Variants in TMC1 observed in about 807,000 individuals in gnomAD.
The protein encoded by TMC1 is transmembrane channel like 1, also known as transmembrane channel-like protein 1.
A neutral mutation model predicts 105.8 loss-of-function variants in TMC1; 84 were observed. The ratio of observed to expected loss-of-function variants is 0.79; its 90% CI spans 0.67 to 0.95. The LOEUF (loss-of-function observed/expected upper bound fraction) is 0.95. TMC1 is among the 40% of genes least tolerant of loss of function. TMC1 has a pLI of 0.00. For synonymous variants in TMC1, 315 were observed against 311.5 expected (o/e 1.01, Z -0.12); for missense variants, 817 against 914.1 (o/e 0.89, Z 1.37).
intron 2 of TMC1, among the ~76,000 whole-genome samples, chr9:72,602,666 C>G (rs1413752732): frequency 6.6e-6 from 1 of 152,206 alleles, no homozygotes; most frequent in African/African-American, 2.4e-5. Context: ...TGAGCCACTG[C>G]ACCCGGCCCC....
At chr9:72,777,440 T>G (rs920111458) in intron 13 of TMC1, among the ~76,000 whole-genome samples, 1 of 152,196 alleles carries the variant, frequency 6.6e-6, no homozygotes, top group East Asian at 1.9e-4. Context: ...GTTTGATGTA[T>G]GTAATGATGA....
chr9:72,624,825 A>G (rs1464827618), intron 3 of TMC1, among the ~76,000 whole-genome samples: 1 of 152,236 alleles, frequency 6.6e-6, no homozygotes, highest in Non-Finnish European at 1.5e-5. Context: ...CATCTACCCT[A>G]AAAGAACAAG....
At chr9:72,655,997 T>C in intron 5 of TMC1, 2 of 772,968 alleles carry the variant, frequency 2.6e-6, no homozygotes, top group East Asian at 4.9e-5. Flanking sequence ...GAGTTTTTTC[T>C]TGTAGTGATT....
intron 2 of TMC1, among the ~76,000 whole-genome samples, chr9:72,610,806 G>T (rs1825013291): frequency 6.6e-6 from 1 of 152,232 alleles, no homozygotes; most frequent in African/African-American, 2.4e-5. Context: ...ACAGAGGAGA[G>T]ACCTAAAGCT....
intron 3 of TMC1, among the ~76,000 whole-genome samples, chr9:72,627,270 A>C (rs1176652762): frequency 1.3e-5 from 2 of 152,086 alleles, no homozygotes; most frequent in Non-Finnish European, 2.9e-5. Context: ...TATTCTAGTC[A>C]TACCCTGCTA....
Position 72,772,393 on chromosome 9 carries a change from G to A in TMC1, c.742-20G>A, listed in dbSNP as rs369458472. The A allele has an allele frequency of 7.4e-6, 12 of 1,613,506 alleles. No individual in the cohort carries two copies. The Admixed American group carries it at 1.0e-4, about 13-fold the overall frequency. ...TGCTCTTCACGACAACTGCTAAGTG[G>A]CTTTGTTGTTGGATTTCAGGGTTTG... On this transcript the variant is annotated intron_variant, in intron 12 of 23. Coordinates refer to ENST00000297784, the MANE Select transcript of TMC1 (RefSeq NM_138691.3).
At position 72,835,988 on chromosome 9, in the gene TMC1, G is replaced by A. The variant is rs727503489; in HGVS notation, c.*15G>A. On this transcript the variant is annotated 3_prime_UTR_variant, in exon 24 of 24. Transcript: ENST00000297784. ...GTCGCCAGTAATAAGTATCCTGAGA[G>A]CCCAGAAAAGGTACACTTTGCCTTG... The A allele has an allele frequency of 2.5e-6, 4 of 1,573,984 alleles. No individual in the cohort carries two copies. The highest frequency in any genetic ancestry group is 3.5e-6 in the Non-Finnish European group (4 of 1,159,030).
chr9:72,743,607 G>C (rs1226668134), intron 10 of TMC1, among the ~76,000 whole-genome samples: 1 of 148,896 alleles, frequency 6.7e-6, no homozygotes, highest in Non-Finnish European at 1.5e-5. Context: ...AAAAAACGAA[G>C]TCTTAAAACC....
intron 4 of TMC1, among the ~76,000 whole-genome samples, chr9:72,637,312 C>G (rs1825553537): frequency 6.6e-6 from 1 of 151,650 alleles, no homozygotes; most frequent in African/African-American, 2.4e-5. Flanking sequence ...GAGTACTGGA[C>G]TTTTTCACTT....
intron 1 of TMC1, among the ~76,000 whole-genome samples, chr9:72,559,156 G>T (rs192987473): frequency 2.7e-4 from 41 of 151,302 alleles, no homozygotes; most frequent in Admixed American, 2.7e-3. Flanking sequence ...GTGCAATGGC[G>T]CAATCTTGGC....
At chr9:72,800,913 G>A (rs996431247) in intron 17 of TMC1, among the ~76,000 whole-genome samples, 27 of 152,130 alleles carry the variant, frequency 1.8e-4, no homozygotes, top group African/African-American at 6.3e-4. Context: ...GCCTTTAAGA[G>A]ATCAATATCT....
intron 10 of TMC1, among the ~76,000 whole-genome samples, chr9:72,747,577 G>GGTT (rs1018446555): frequency 6.6e-6 from 1 of 151,864 alleles, no homozygotes; most frequent in African/African-American, 2.4e-5. Flanking sequence ...TCTGTTTTTT[G>GGTT]GTTGTTGTTG....
At chr9:72,569,725 C>T (rs1435246238) in intron 1 of TMC1, among the ~76,000 whole-genome samples, 2 of 152,158 alleles carry the variant, frequency 1.3e-5, no homozygotes, top group East Asian at 1.9e-4. Flanking sequence ...TCCTGAAGGG[C>T]TCCAACCTGG....
chr9:72,555,029 C>A (rs1318575472), intron 1 of TMC1, among the ~76,000 whole-genome samples: 1 of 151,646 alleles, frequency 6.6e-6, no homozygotes, highest in Non-Finnish European at 1.5e-5. Flanking sequence ...CAGGCATGTG[C>A]CACCATGCCT....
chr9:72,772,477 T>A lies in TMC1; in HGVS notation c.806T>A (p.Met269Lys). The A allele has an allele frequency of 6.2e-7, 1 of 1,613,992 alleles. No homozygotes were observed. The highest frequency in any genetic ancestry group is 1.1e-5 in the South Asian group (1 of 91,084). Residue 269 changes from methionine to lysine, a missense_variant, in exon 13 of 24, where the codon ATG becomes AAG. Met to Lys is a moderately conservative substitution (Grantham distance 95, BLOSUM62 -1). Transcript: ENST00000297784. ...GACAATAAACGAACAATTGGATGGATGAATTTCAGGTTGCCGCTCTCCTAT... is the reference window on the plus strand; with the variant it reads ...GACAATAAACGAACAATTGGATGGAAGAATTTCAGGTTGCCGCTCTCCTAT... ...YYDNKRTIGWMNFRLPLSYFL... is the reference protein window; with the variant it reads ...YYDNKRTIGWKNFRLPLSYFL...
intron 1 of TMC1, among the ~76,000 whole-genome samples, chr9:72,536,161 G>T (rs891821869): frequency 6.6e-6 from 1 of 152,132 alleles, no homozygotes; most frequent in African/African-American, 2.4e-5. Context: ...TATCACCTGC[G>T]ACTCAAGGCA....
chr9:72,826,531 C>A (rs934535294), intron 20 of TMC1, among the ~76,000 whole-genome samples: 1 of 152,204 alleles, frequency 6.6e-6, no homozygotes, highest in African/African-American at 2.4e-5. Flanking sequence ...TGTTCTCCTA[C>A]AAGAGCAGCT....
intron 6 of TMC1, among the ~76,000 whole-genome samples, chr9:72,693,082 T>C (rs1826493173): frequency 6.6e-6 from 1 of 151,252 alleles, no homozygotes; most frequent in Admixed American, 6.6e-5. Context: ...ACTGTGCTAT[T>C]GTACTCCAGC....
At chr9:72,588,844 C>T (rs917518736) in intron 2 of TMC1, among the ~76,000 whole-genome samples, 6 of 149,982 alleles carry the variant, frequency 4.0e-5, no homozygotes, top group African/African-American at 9.9e-5. Flanking sequence ...GGCGTGATCT[C>T]GGCTCACCAC....
Sources: gnomAD v4.1 joint callset for allele counts (sites outside exome capture counted in the v4.1 genomes callset) on GRCh38, gnomAD v4.1.1 for gene constraint, MANE v1.5 for transcripts, NCBI Gene and HGNC (gene_info 2026-07-23, HGNC 2026-07-21) for gene names.